The following AOPEP variants were observed in gnomAD, a reference collection of about 807,000 sequenced individuals.
AOPEP encodes aminopeptidase O (putative).
AOPEP carries 77 observed loss-of-function variants against 98.1 expected under a neutral mutation model. That is an observed-to-expected ratio of 0.78 (90% CI 0.65 to 0.95). The LOEUF (loss-of-function observed/expected upper bound fraction) is 0.95, where lower values mean the gene tolerates loss of function less well. AOPEP is among the 40% of genes least tolerant of loss of function. AOPEP has a pLI of 0.00. For missense variants in AOPEP, 1,024 were observed against 1,024.7 expected (o/e 1.00, Z 0.01); for synonymous variants, 346 against 365.3 (o/e 0.95, Z 0.60).
Position 94,867,543 on chromosome 9 carries a change from A to G in AOPEP, c.1365-56443A>G, listed in dbSNP as rs530104433. Among the ~76,000 whole-genome samples, 3 of 152,366 alleles carry G rather than the reference A, an allele frequency of 2.0e-5. No individual in the cohort carries two copies. The South Asian group carries it at 6.2e-4, about 32-fold the overall frequency. ...TGCGTAGCCCATATTATTTGAATGTACATTAAAACAGTGATAACATTCACC... is the reference window on the plus strand; with the variant it reads ...TGCGTAGCCCATATTATTTGAATGTGCATTAAAACAGTGATAACATTCACC... On this transcript the variant is annotated intron_variant, in intron 5 of 16. Transcript: ENST00000375315.
chr9:95,047,533 A>G (rs2065957677), intron 13 of AOPEP, among the ~76,000 whole-genome samples: 2 of 152,194 alleles, frequency 1.3e-5, no homozygotes, highest in African/African-American at 4.8e-5. Context: ...TGAATGGACT[A>G]TTACAGTTTT....
chr9:94,892,334 T>A (rs551601666), intron 5 of AOPEP, among the ~76,000 whole-genome samples: 4 of 152,138 alleles, frequency 2.6e-5, no homozygotes, highest in Non-Finnish European at 4.4e-5. Context: ...CCTGAAGCAG[T>A]GTTCATTTTT....
Position 94,979,357 on chromosome 9 carries a change from A to G in AOPEP, c.1917-10A>G. ...TTAATCCTTTACTTTTTGTTGTTTT[A>G]TTTCTAAAGGCTTGAGCTGTCTGTT... On this transcript the variant is annotated splice_polypyrimidine_tract_variant and intron_variant, in intron 10 of 16. Coordinates refer to ENST00000375315, the MANE Select transcript of AOPEP (RefSeq NM_001193329.3). 6.3e-7 allele frequency: 1 copy of G among 1,587,650 alleles called. No homozygotes were observed. The highest frequency in any genetic ancestry group is 2.2e-5 in the East Asian group (1 of 44,662).
At chr9:95,148,021 GAT>G in the AOPEP span, among the ~76,000 whole-genome samples, 2 of 152,082 alleles carry the variant, frequency 1.3e-5, no homozygotes, top group Admixed American at 6.6e-5. Flanking sequence ...CATTTGCACT[GAT>G]AGCGCAAAAG....
At chr9:94,842,896 T>G (rs2042438363) in intron 5 of AOPEP, among the ~76,000 whole-genome samples, 1 of 152,240 alleles carries the variant, frequency 6.6e-6, no homozygotes, top group Non-Finnish European at 1.5e-5. Flanking sequence ...TTATAAGTAG[T>G]AGAAGGATTT....
At chr9:94,837,318 A>G (rs534540296) in intron 5 of AOPEP, among the ~76,000 whole-genome samples, 2 of 152,352 alleles carry the variant, frequency 1.3e-5, no homozygotes, top group East Asian at 3.9e-4. Flanking sequence ...GCCGAACTCT[A>G]TCAGACTTCA....
At chr9:95,092,881 A>G in the AOPEP span, among the ~76,000 whole-genome samples, 2 of 152,176 alleles carry the variant, frequency 1.3e-5, no homozygotes, top group African/African-American at 4.8e-5. Flanking sequence ...TGGCTAAGAC[A>G]CCACACTCTT....
chr9:94,942,959 A>C (rs1415322846), intron 7 of AOPEP, among the ~76,000 whole-genome samples: 2 of 151,784 alleles, frequency 1.3e-5, no homozygotes, highest in African/African-American at 4.8e-5. Context: ...ATAATAAGGT[A>C]CTGATTCAAA....
chr9:94,799,533 G>A (rs577074514), intron 4 of AOPEP, among the ~76,000 whole-genome samples: 1 of 152,270 alleles, frequency 6.6e-6, no homozygotes, highest in South Asian at 2.1e-4. Flanking sequence ...CCCTGCCACT[G>A]CAGTCCAGCC....
At chr9:94,762,318 G>A (rs1588093837) in intron 2 of AOPEP, among the ~76,000 whole-genome samples, 4 of 152,162 alleles carry the variant, frequency 2.6e-5, no homozygotes, top group Middle Eastern at 3.4e-3. Flanking sequence ...ATGGTGGTGG[G>A]CGCCTGTAGT....
intron 4 of AOPEP, among the ~76,000 whole-genome samples, chr9:94,797,951 A>G (rs1847384978): frequency 6.6e-6 from 1 of 151,928 alleles, no homozygotes; most frequent in Admixed American, 6.6e-5. Context: ...TGATCCACCT[A>G]CCTTAGCCTC....
intron 5 of AOPEP, among the ~76,000 whole-genome samples, chr9:94,914,604 G>T (rs1422327969): frequency 6.7e-6 from 1 of 150,116 alleles, no homozygotes; most frequent in Non-Finnish European, 1.5e-5. Context: ...AAAGACCTGG[G>T]CCTAGTGTGG....
chr9:94,731,373 G>T (rs1280573627), intron 1 of AOPEP, among the ~76,000 whole-genome samples: 1 of 151,834 alleles, frequency 6.6e-6, no homozygotes. Flanking sequence ...GACTACAGGC[G>T]TCCGCCACCA....
intron 10 of AOPEP, among the ~76,000 whole-genome samples, chr9:94,975,991 C>T (rs907804596): frequency 4.6e-5 from 7 of 152,216 alleles, no homozygotes; most frequent in African/African-American, 1.4e-4. Context: ...GGCTTTGCCC[C>T]ACCAGGACCC....
chr9:95,142,858 T>C, the AOPEP span, among the ~76,000 whole-genome samples: 6 of 152,256 alleles, frequency 3.9e-5, no homozygotes, highest in African/African-American at 1.4e-4. Flanking sequence ...TCACACTCAC[T>C]GTGTGGATTT....
At chr9:94,909,369 A>AAC (rs869051978) in intron 5 of AOPEP, among the ~76,000 whole-genome samples, 2 of 150,190 alleles carry the variant, frequency 1.3e-5, no homozygotes, top group African/African-American at 4.9e-5. Context: ...AAAAAAAAAA[A>AAC]GAATGAGAAA....
intron 2 of AOPEP, among the ~76,000 whole-genome samples, chr9:94,767,532 T>C (rs181817896): frequency 2.0e-5 from 3 of 152,378 alleles, no homozygotes; most frequent in Admixed American, 2.0e-4. Context: ...GTGTGGTAAC[T>C]AGCTGTGTGA....
intron 6 of AOPEP, among the ~76,000 whole-genome samples, chr9:94,926,654 G>A (rs1229943485): frequency 6.6e-6 from 1 of 152,204 alleles, no homozygotes; most frequent in East Asian, 1.9e-4. Flanking sequence ...GCAGGGGTGG[G>A]TGTGCCACCT....
At chr9:94,811,641 A>C (rs1850612492) in intron 5 of AOPEP, among the ~76,000 whole-genome samples, 1 of 152,148 alleles carries the variant, frequency 6.6e-6, no homozygotes, top group Non-Finnish European at 1.5e-5. Context: ...AGCAGGGTGC[A>C]CTGCCTGGTA....
Sources: gnomAD v4.1 joint callset for allele counts (sites outside exome capture counted in the v4.1 genomes callset) on GRCh38, gnomAD v4.1.1 for gene constraint, MANE v1.5 for transcripts, NCBI Gene and HGNC (gene_info 2026-07-23, HGNC 2026-07-21) for gene names.